Variants in ANKRD17 observed in about 807,000 individuals in gnomAD.
ANKRD17 encodes the protein ankyrin repeat domain-containing protein 17.
A neutral mutation model predicts 229.7 loss-of-function variants in ANKRD17; 19 were observed. That is an observed-to-expected ratio of 0.08 (90% CI 0.06 to 0.12). The LOEUF is 0.12. ANKRD17 is among the 10% of genes least tolerant of loss of function. The pLI, the probability that ANKRD17 is intolerant of heterozygous loss-of-function variation, is 1.00. For missense variants in ANKRD17, 2,176 were observed against 3,176.8 expected (o/e 0.68, Z 7.57); for synonymous variants, 1,112 against 1,146.1 (o/e 0.97, Z 0.60).
chr4:73,152,409 C>A (rs1469926144), intron 6 of ANKRD17, among the ~76,000 whole-genome samples: 1 of 152,072 alleles, frequency 6.6e-6, no homozygotes, highest in Non-Finnish European at 1.5e-5. Flanking sequence ...CACATTAGTG[C>A]TCAGTCTCAG....
At position 73,258,643 on chromosome 4, in the gene ANKRD17, G is replaced by A; in HGVS notation, c.26C>T (p.Ala9Val). 1 of 1,486,660 alleles carries A rather than the reference G, an allele frequency of 6.7e-7. No homozygotes were observed. The highest frequency in any genetic ancestry group is 8.9e-7 in the Non-Finnish European group (1 of 1,127,194). The allele number at this position is 1,486,660 out of a possible 1,614,324, so 92.1% of individuals were successfully genotyped here. Residue 9 changes from alanine (A) to valine (V), a missense_variant, in exon 1 of 34, where the codon GCG (alanine) becomes GTG (valine). Transcript: ENST00000358602. Reference sequence around the variant, plus strand: ...TTCTCCTTCTGCAGCCGTCGCCGCCGCCACCGGAACCGTCGCCTTCTCCAT... The same window carrying A: ...TTCTCCTTCTGCAGCCGTCGCCGCCACCACCGGAACCGTCGCCTTCTCCAT... MEKATVPV[A>V]AATAAEGEGS...
chr4:73,215,113 T>A (rs1227926881), intron 1 of ANKRD17, among the ~76,000 whole-genome samples: 4 of 152,166 alleles, frequency 2.6e-5, no homozygotes, highest in African/African-American at 9.7e-5. Context: ...TATGAGCCTG[T>A]CATTTCAAGA....
chr4:73,139,225 T>G (rs1205736493), intron 15 of ANKRD17, among the ~76,000 whole-genome samples: 1 of 152,082 alleles, frequency 6.6e-6, no homozygotes, highest in East Asian at 1.9e-4. Flanking sequence ...CTCAGTATTC[T>G]GAACTTAAAG....
chr4:73,129,973 G>C (rs1195009692), intron 16 of ANKRD17, among the ~76,000 whole-genome samples: 1 of 151,798 alleles, frequency 6.6e-6, no homozygotes, highest in Non-Finnish European at 1.5e-5. Context: ...CACGGTGTTA[G>C]CCAGGATGGT....
rs533219654 is a variant in ANKRD17 at position 73,083,005 on chromosome 4, G to A, written c.7159+2244C>T. Among the ~76,000 whole-genome samples the A allele has an allele frequency of 4.6e-5, 7 of 152,230 alleles. No homozygotes were observed. The East Asian group carries it at 1.2e-3, about 25-fold the overall frequency. ...TTATTTAGGGGCAAAAGGGCTTGAC[G>A]TCTACAACTAACTGTAAAATAGTTC... On this transcript the variant is annotated intron_variant, in intron 30 of 33. Coordinates refer to ENST00000358602, the MANE Select transcript of ANKRD17 (RefSeq NM_032217.5).
At chr4:73,188,193 GA>G (rs906396115) in intron 1 of ANKRD17, among the ~76,000 whole-genome samples, 107 of 147,416 alleles carry the variant, frequency 7.3e-4, no homozygotes, top group Middle Eastern at 6.9e-3. Flanking sequence ...AAAAGAAAAG[GA>G]AAAAAAAAGC....
In ANKRD17 at chr4:73,213,432, G is replaced by A. The variant is rs148867997; in HGVS notation, c.394-35899C>T. Among the ~76,000 whole-genome samples the A allele has an allele frequency of 8.5e-5, 13 of 152,262 alleles. No homozygotes were observed. The East Asian group carries it at 2.5e-3, about 29-fold the overall frequency. On this transcript the variant is annotated intron_variant, in intron 1 of 33. Transcript: ENST00000358602. ...AGTATTACCAAAACTGAGAGAAAGA[G>A]GTTAAATGACAAAAGCTCAGGACAG...
chr4:73,121,786 T>A, intron 18 of ANKRD17, 27 bp from the exon 19 acceptor site: 4 of 1,568,500 alleles, frequency 2.6e-6, no homozygotes. Context: ...AAAAAATATG[T>A]TTTCTTATGG....
At chr4:73,179,486 GTGTA>G (rs1159971129) in intron 1 of ANKRD17, among the ~76,000 whole-genome samples, 129 of 59,966 alleles carry the variant, frequency 2.2e-3, no homozygotes, top group South Asian at 5.9e-3. Context: ...GTGTGTGTGT[GTGTA>G]TATATATATA....
At chr4:73,223,699 G>C (rs1231121639) in intron 1 of ANKRD17, among the ~76,000 whole-genome samples, 2 of 152,078 alleles carry the variant, frequency 1.3e-5, no homozygotes, top group Non-Finnish European at 2.9e-5. Flanking sequence ...TTTTCTAGTA[G>C]TGCCTTTAAC....
At position 73,091,021 on chromosome 4, in the gene ANKRD17, G is replaced by A; in HGVS notation, c.6607C>T (p.Leu2203Phe). The change falls in exon 29 of 34, where the codon CTC (leucine) becomes TTC (phenylalanine). Residue 2203 changes from leucine to phenylalanine, a missense_variant. This residue lies in a region of ANKRD17 where 424 missense variants were observed against 454.0 expected (regional missense o/e 0.93). Transcript: ENST00000358602. ...GGTCTTTTAATGTGATTGACACTGA[G>A]GACTGCAACAGATGAATTTTGCACT... Reference protein sequence around the residue: ...ASVQNSSVAVLSVNHIKRPHS... With the variant: ...ASVQNSSVAVFSVNHIKRPHS... 1.2e-6 allele frequency: 2 copies of A among 1,614,202 alleles called. No homozygotes were observed. The highest frequency in any genetic ancestry group is 1.7e-6 in the Non-Finnish European group (2 of 1,180,034).
Position 73,160,911 on chromosome 4 carries a change from G to A in ANKRD17, c.704+281C>T, listed in dbSNP as rs369870784. Among the ~76,000 whole-genome samples, 30 of 152,180 alleles carry A rather than the reference G, an allele frequency of 2.0e-4. No homozygotes were observed. The South Asian group carries it at 5.8e-3, about 30-fold the overall frequency. On this transcript the variant is annotated intron_variant, in intron 3 of 33. Transcript: ENST00000358602. ...AAGTCTTTTATAACATATTGACTAGGCCATCAGCCTTGCAGTCGGAAAGAC... is the reference window on the plus strand; with the variant it reads ...AAGTCTTTTATAACATATTGACTAGACCATCAGCCTTGCAGTCGGAAAGAC...
At chr4:73,122,971 A>G (rs967912842) in intron 18 of ANKRD17, among the ~76,000 whole-genome samples, 5 of 152,088 alleles carry the variant, frequency 3.3e-5, no homozygotes, top group African/African-American at 1.2e-4. Context: ...TGACTTTCCA[A>G]CATTTTATTA....
At chr4:73,234,772 G>A (rs771807604) in intron 1 of ANKRD17, among the ~76,000 whole-genome samples, 1 of 152,200 alleles carries the variant, frequency 6.6e-6, no homozygotes, top group African/African-American at 2.4e-5. Flanking sequence ...TTAAGAGAAT[G>A]ATTCTGAAAC....
rs1287857396 is a variant in ANKRD17, at chr4:73,083,962, C to T, written c.7159+1287G>A. On this transcript the variant is annotated intron_variant, in intron 30 of 33. Transcript: ENST00000358602. ...AAAAACAAAACAAAAAAAAAAAAAC[C>T]GAAGTCTTACTATAACTTCCTTAAG... Among the ~76,000 whole-genome samples, 5 of 150,710 alleles carry T rather than the reference C, an allele frequency of 3.3e-5. No individual in the cohort carries two copies. The East Asian group carries it at 5.9e-4, about 18-fold the overall frequency.
intron 21 of ANKRD17, among the ~76,000 whole-genome samples, chr4:73,119,827 C>T (rs746988349): frequency 7.2e-5 from 11 of 152,106 alleles, no homozygotes; most frequent in Non-Finnish European, 1.0e-4. Flanking sequence ...GACAATGAAG[C>T]CTTAGATCAC....
chr4:73,135,255 T>C lies in ANKRD17; in HGVS notation c.3096A>G (p.Gly1032=), dbSNP rs1246384921. 1 of 1,611,564 alleles carries C rather than the reference T, an allele frequency of 6.2e-7. No individual in the cohort carries two copies. Among genetic ancestry groups the C allele is most frequent in the Non-Finnish European group, 8.5e-7 (1 of 1,178,558 alleles). The stretch of plus-strand genomic sequence containing the variant: ...GAGTGTTTGACATTGCAGATGCTCT[T>C]CCACTGACTGCTGTTGAACAAAATA... ...TLDDIMAAVS[G]RASAMSNTPT... Residue 1032 remains glycine, a synonymous_variant, in exon 16 of 34, where the codon GGA becomes GGG. Transcript: ENST00000358602.
chr4:73,153,336 CTTAAT>C (rs1230232515), intron 6 of ANKRD17, among the ~76,000 whole-genome samples: 1 of 151,982 alleles, frequency 6.6e-6, no homozygotes, highest in Non-Finnish European at 1.5e-5. Flanking sequence ...AAAAAATTTT[CTTAAT>C]TTACTTTCTT....
chr4:73,113,434 GTTGGCAA>G, intron 24 of ANKRD17: 1 of 1,232,762 alleles, frequency 8.1e-7, no homozygotes, highest in South Asian at 1.3e-5. Flanking sequence ...TGATAAACCT[GTTGGCAA>G]TAAATTACAA....
Sources: allele counts gnomAD v4.1 joint callset (sites outside exome capture counted in the v4.1 genomes callset), GRCh38; gene constraint gnomAD v4.1.1; regional missense constraint gnomAD v4.1.1; transcripts MANE v1.5; gene names NCBI Gene and HGNC (gene_info 2026-07-23, HGNC 2026-07-21).